Variants in ANKRD31 observed in about 807,000 individuals in gnomAD.
ANKRD31 encodes ankyrin repeat domain 31, also known as ankyrin repeat domain-containing protein 31.
In ANKRD31, 147 loss-of-function variants were observed where a neutral mutation model predicts 186.0. That is an observed-to-expected ratio of 0.79 (90% CI 0.69 to 0.91). The LOEUF is 0.91. ANKRD31 is among the 40% of genes least tolerant of loss of function. ANKRD31 has a pLI of 0.00. For synonymous variants in ANKRD31, 673 were observed against 736.4 expected (o/e 0.91, Z 1.39); for missense variants, 1,986 against 2,148.8 (o/e 0.92, Z 1.50).
chr5:75,133,077 G>A (rs1344363447), intron 17 of ANKRD31, among the ~76,000 whole-genome samples: 11 of 152,216 alleles, frequency 7.2e-5, no homozygotes, highest in South Asian at 2.1e-4. Flanking sequence ...TGTAAAGACC[G>A]TCGATGCTAG....
At chr5:75,076,715 C>T (rs1344960917) in intron 25 of ANKRD31, among the ~76,000 whole-genome samples, 1 of 152,156 alleles carries the variant, frequency 6.6e-6, no homozygotes, top group Non-Finnish European at 1.5e-5. Flanking sequence ...TTTCTGATGA[C>T]CAGCCCTCAT....
At position 75,104,567 on chromosome 5, in the gene ANKRD31, A is replaced by T; in HGVS notation, c.4992T>A (p.Asp1664Glu). 1 of 1,536,440 alleles carries T rather than the reference A, an allele frequency of 6.5e-7. No homozygotes were observed. Among genetic ancestry groups the T allele is most frequent in the Non-Finnish European group, 8.7e-7 (1 of 1,146,586 alleles). ...TGGGATCATAATTGGAAAGGTCCTG[A>T]TCACAAATAATATTTGATGGATGGG... Reference protein sequence around the residue: ...NAAHPSNIICDQDLSNYDPKR... With the variant: ...NAAHPSNIICEQDLSNYDPKR... Residue 1664 changes from aspartate (D) to glutamate (E), a missense_variant, in exon 22 of 26, where the codon GAT becomes GAA. Physicochemically the swap from Asp to Glu is conservative, Grantham distance 45. Coordinates refer to ENST00000506364, the MANE Select transcript of ANKRD31 (RefSeq NM_001372053.1).
intron 19 of ANKRD31, among the ~76,000 whole-genome samples, chr5:75,116,074 C>T (rs1414997258): frequency 6.6e-6 from 1 of 151,166 alleles, no homozygotes; most frequent in Non-Finnish European, 1.5e-5. Flanking sequence ...GAATACTATG[C>T]AGCCATAAAA....
Position 75,068,605 on chromosome 5 carries a change from A to G in ANKRD31, c.5707T>C (p.Leu1903=). ...PRYLQINEIL[L]ISDQEFLPCH... ...GGGAGAAATTCTTGATCACTGATTAATAGTATTTCATTTATTTGTAGATAA... is the reference window on the plus strand; with the variant it reads ...GGGAGAAATTCTTGATCACTGATTAGTAGTATTTCATTTATTTGTAGATAA... The change falls in exon 26 of 26, where the codon TTA becomes CTA. Residue 1903 remains leucine, a synonymous_variant. Coordinates refer to ENST00000506364, the MANE Select transcript of ANKRD31 (RefSeq NM_001372053.1). The G allele has an allele frequency of 6.6e-7, 1 of 1,524,126 alleles. No individual in the cohort carries two copies. The highest frequency in any genetic ancestry group is 8.8e-7 in the Non-Finnish European group (1 of 1,141,424). 94.4% of individuals were successfully genotyped at this position (1,524,126 alleles called of 1,614,324 possible). A position where few individuals can be genotyped will look rare whatever the true frequency, so the allele number is the denominator to read the frequency against.
At chr5:75,099,577 G>C (rs1214252753) in intron 22 of ANKRD31, among the ~76,000 whole-genome samples, 1 of 152,038 alleles carries the variant, frequency 6.6e-6, no homozygotes, top group East Asian at 1.9e-4. Context: ...TTTTTTGGTT[G>C]GTAGGCTATT....
At chr5:75,192,483 G>A (rs73114824) in intron 9 of ANKRD31, among the ~76,000 whole-genome samples, 184 bp downstream of exon 9, 7,274 of 152,184 alleles carry the variant, frequency 0.048, 369 homozygotes, top group African/African-American at 0.13. Context: ...TGAGTCAGAA[G>A]TTCAGGATCA....
intron 22 of ANKRD31, among the ~76,000 whole-genome samples, chr5:75,100,409 G>A (rs1489247207): frequency 6.6e-6 from 1 of 152,130 alleles, no homozygotes; most frequent in Non-Finnish European, 1.5e-5. Flanking sequence ...GTTGATTTGG[G>A]GTGGAGAGTT....
intron 7 of ANKRD31, among the ~76,000 whole-genome samples, chr5:75,195,283 T>G (rs1481611198): frequency 2.0e-5 from 3 of 152,126 alleles, no homozygotes; most frequent in African/African-American, 7.2e-5. Context: ...CAGAGAAAAT[T>G]TTAGTAAAGA....
chr5:75,124,268 A>T (rs779784963), intron 17 of ANKRD31, among the ~76,000 whole-genome samples: 18 of 152,236 alleles, frequency 1.2e-4, no homozygotes, highest in Admixed American at 6.5e-5. Context: ...TATTATTAAA[A>T]AGACAAAAAA....
chr5:75,080,742 T>C (rs1745018898), intron 24 of ANKRD31, 103 bp from the exon 25 acceptor site: 2 of 613,244 alleles, frequency 3.3e-6, no homozygotes, highest in Non-Finnish European at 2.6e-6. Flanking sequence ...TACAAATAGC[T>C]CTTCCTTGAC....
At chr5:75,089,190 C>G (rs964537757) in intron 23 of ANKRD31, among the ~76,000 whole-genome samples, 1 of 152,140 alleles carries the variant, frequency 6.6e-6, no homozygotes, top group Non-Finnish European at 1.5e-5. Context: ...TGCCTCCCAC[C>G]CACAAATCAC....
chr5:75,226,032 T>C (rs1027003455), intron 2 of ANKRD31, among the ~76,000 whole-genome samples: 5 of 152,176 alleles, frequency 3.3e-5, no homozygotes. Context: ...AGTATTCCTC[T>C]TGGGCCTATG....
intron 15 of ANKRD31, 96 bp downstream of exon 15, chr5:75,143,905 A>G: frequency 2.5e-6 from 1 of 394,222 alleles, no homozygotes; most frequent in Non-Finnish European, 4.5e-6. Context: ...ACAAAAAGAA[A>G]CAATATATCT....
chr5:75,199,689 T>C lies in ANKRD31; in HGVS notation c.404-15A>G, dbSNP rs745738950. On this transcript the variant is annotated splice_polypyrimidine_tract_variant and intron_variant, in intron 5 of 25. Transcript: ENST00000506364. ...AGCCTCTGGCCCTAGAAAAAAACAA[T>C]GTGTTTTCATTCCAGTTTTATGGAA... 2 of 1,530,670 alleles carry C rather than the reference T, an allele frequency of 1.3e-6. No homozygotes were observed. The allele number at this position is 1,530,670 out of a possible 1,614,324, so 94.8% of individuals were successfully genotyped here. A position where few individuals can be genotyped will look rare whatever the true frequency, so the allele number is the denominator to read the frequency against.
At chr5:75,118,605 T>C (rs915398290) in intron 17 of ANKRD31, among the ~76,000 whole-genome samples, 1 of 152,220 alleles carries the variant, frequency 6.6e-6, no homozygotes, top group African/African-American at 2.4e-5. Context: ...TCTGTGATAA[T>C]AAAATGTTCT....
intron 25 of ANKRD31, among the ~76,000 whole-genome samples, chr5:75,073,546 T>C (rs535502295): frequency 5.9e-4 from 90 of 152,348 alleles, no homozygotes; most frequent in Non-Finnish European, 1.1e-3. Flanking sequence ...TGAGATGATA[T>C]AACAAAATTG....
At chr5:75,150,938 T>C (rs980394483) in intron 12 of ANKRD31, among the ~76,000 whole-genome samples, 4 of 152,020 alleles carry the variant, frequency 2.6e-5, no homozygotes, top group African/African-American at 9.7e-5. Context: ...CAAGTTACTG[T>C]CTGTCTCACT....
At position 75,146,975 on chromosome 5, in the gene ANKRD31, G is replaced by T. The variant is rs754788745; in HGVS notation, c.2436C>A (p.Asn812Lys). The T allele has an allele frequency of 6.5e-7, 1 of 1,536,306 alleles. No homozygotes were observed. The part of the protein sequence containing the change: ...CSVSKEKHIQ[N>K]LDLSDSQEVQ... ...CTTCTTGACTATCTGATAAATCCAG[G>T]TTCTGGATGTGTTTCTCTTTGGAAA... The change falls in exon 14 of 26, where the codon AAC (asparagine) becomes AAA (lysine). Residue 812 changes from asparagine (N) to lysine (K), a missense_variant. By Grantham distance (94) the Asn-to-Lys change is moderately conservative (BLOSUM62 0). Coordinates refer to ENST00000506364, the MANE Select transcript of ANKRD31 (RefSeq NM_001372053.1).
In ANKRD31 at chr5:75,122,504, C is replaced by T. The variant is rs115603901; in HGVS notation, c.3877-4207G>A. Among the ~76,000 whole-genome samples, 572 of 152,100 alleles carry T rather than the reference C, an allele frequency of 3.8e-3. 8 individuals are homozygous for T. Among genetic ancestry groups the T allele is most frequent in the African/African-American group, 0.012 (507 of 41,518 alleles). On this transcript the variant is annotated intron_variant, in intron 17 of 25. Transcript: ENST00000506364. ...GAAAAAAAACTACAGACCAATATCC[C>T]TGATGAAGATAGATGCAGAAACCCT...
Sources: allele counts gnomAD v4.1 joint callset (sites outside exome capture counted in the v4.1 genomes callset), GRCh38; gene constraint gnomAD v4.1.1; transcripts MANE v1.5; gene names NCBI Gene and HGNC (gene_info 2026-07-23, HGNC 2026-07-21).